PCDH11X: variants seen among roughly 807,000 people sequenced by gnomAD.
PCDH11X encodes protocadherin-11 X-linked.
A neutral mutation model predicts 53.3 loss-of-function variants in PCDH11X; 18 were observed. That is an observed-to-expected ratio of 0.34 (90% CI 0.23 to 0.50). The LOEUF is 0.50. PCDH11X is among the 20% of genes least tolerant of loss of function. PCDH11X has a pLI of 0.98. For missense variants in PCDH11X, 570 were observed against 1,032.4 expected, an observed-to-expected ratio of 0.55 and a Z score of 6.14; for synonymous variants, 279 against 393.3, an observed-to-expected ratio of 0.71 and a Z score of 3.44.
intron 6 of PCDH11X, among the ~76,000 whole-genome samples, chrX:92,169,146 G>GAT (rs1393563537): frequency 1.0e-5 from 1 of 96,975 alleles, no homozygotes; most frequent in Non-Finnish European, 2.1e-5. Context: ...GTGTTTATAG[G>GAT]GACAAAACCC....
intron 7 of PCDH11X, among the ~76,000 whole-genome samples, chrX:92,241,431 T>C (rs761138237): frequency 8.9e-6 from 1 of 112,424 alleles, no homozygotes; most frequent in East Asian, 2.8e-4. Flanking sequence ...TTGTCACTAA[T>C]GACTCACATG....
At chrX:91,869,015 A>T (rs537815147) in intron 5 of PCDH11X, among the ~76,000 whole-genome samples, 2 of 111,649 alleles carry the variant, frequency 1.8e-5, no homozygotes, top group Admixed American at 1.9e-4. Flanking sequence ...AACCTGACTC[A>T]ATTTATACAT....
rs1196070988 is a variant in PCDH11X, at chrX:92,441,498, T to A, written c.3344-26801T>A. ...CCCTGTGTCCCAGCTGCTCCAGTCA[T>A]GGCTGAAAGGGGCCAAGGTAGAGTT... On this transcript the variant is annotated intron_variant, in intron 9 of 10. Transcript: ENST00000682573. 2.7e-5 allele frequency among the ~76,000 whole-genome samples: 3 copies of A among 112,075 alleles called. No homozygotes were observed. The East Asian group carries it at 8.5e-4, about 32-fold the overall frequency.
intron 8 of PCDH11X, among the ~76,000 whole-genome samples, chrX:92,338,720 G>T (rs2069678953): frequency 9.0e-6 from 1 of 111,537 alleles, no homozygotes; most frequent in East Asian, 2.8e-4. Flanking sequence ...AAATCAAGTT[G>T]TTCATTTTTA....
At chrX:92,537,805 A>C (rs1466104835) in intron 10 of PCDH11X, among the ~76,000 whole-genome samples, 1 of 108,138 alleles carries the variant, frequency 9.2e-6, no homozygotes, top group South Asian at 4.1e-4. Context: ...ATAATTAACT[A>C]TTGGCATATA....
intron 8 of PCDH11X, among the ~76,000 whole-genome samples, chrX:92,271,004 C>T (rs967289893): frequency 4.5e-5 from 5 of 111,316 alleles, no homozygotes; most frequent in African/African-American, 9.8e-5. Context: ...TTAACTACCG[C>T]GATTCTCTGA....
intron 6 of PCDH11X, among the ~76,000 whole-genome samples, chrX:92,077,622 GAGGAAGGAAGGA>G (rs768755254): frequency 0.039 from 3,718 of 96,128 alleles, 168 homozygotes; most frequent in African/African-American, 0.13. Context: ...GGAAGGAAGG[GAGGAAGGAAGGA>G]AGGAAGGAAG....
At chrX:92,221,278 A>AATACAGACACACAC (rs1249262957) in intron 7 of PCDH11X, among the ~76,000 whole-genome samples, 1 of 88,037 alleles carries the variant, frequency 1.1e-5, no homozygotes, top group Non-Finnish European at 2.1e-5. Flanking sequence ...CATTGTATAC[A>AATACAGACACACAC]ACACACACAC....
At chrX:92,508,383 C>T (rs1360382310) in intron 10 of PCDH11X, among the ~76,000 whole-genome samples, 2 of 108,518 alleles carry the variant, frequency 1.8e-5, no homozygotes, top group African/African-American at 6.7e-5. Flanking sequence ...CCTCCACACC[C>T]AGATAGCTTT....
At chrX:92,275,382 G>A (rs148602108) in intron 8 of PCDH11X, among the ~76,000 whole-genome samples, 3,621 of 104,318 alleles carry the variant, frequency 0.035, 114 homozygotes, top group East Asian at 0.27. Context: ...TAGGTAACAG[G>A]TGAGGATAAA....
intron 7 of PCDH11X, among the ~76,000 whole-genome samples, chrX:92,257,789 A>C (rs921128905): frequency 6.2e-5 from 7 of 112,672 alleles, no homozygotes; most frequent in Non-Finnish European, 1.3e-4. Flanking sequence ...TGCAGGGTTC[A>C]GCCCCTGAGG....
At chrX:92,575,733 A>G (rs1162813522) in intron 10 of PCDH11X, among the ~76,000 whole-genome samples, 1 of 105,254 alleles carries the variant, frequency 9.5e-6, no homozygotes, top group Non-Finnish European at 1.9e-5. Flanking sequence ...GAACACAATG[A>G]ATCCAATTAG....
intron 5 of PCDH11X, among the ~76,000 whole-genome samples, chrX:91,843,564 T>C (rs2189401): frequency 0.41 from 45,577 of 109,912 alleles, 9,536 homozygotes; most frequent in African/African-American, 0.82. Context: ...GTGATCCTCC[T>C]GCCTCGGCCT....
chrX:92,255,741 G>A (rs1306127701), intron 7 of PCDH11X, among the ~76,000 whole-genome samples: 1 of 112,336 alleles, frequency 8.9e-6, no homozygotes, highest in Non-Finnish European at 1.9e-5. Flanking sequence ...GTGCCTCCCA[G>A]TTAGGCTGGT....
intron 6 of PCDH11X, among the ~76,000 whole-genome samples, chrX:91,907,398 CACACACACACACACAGAG>C (rs1247478237): frequency 1.6e-5 from 1 of 64,160 alleles, no homozygotes; most frequent in African/African-American, 5.9e-5. Context: ...CACACACACA[CACACACACACACACAGAG>C]AGAGAGAGAG....
intron 6 of PCDH11X, among the ~76,000 whole-genome samples, chrX:92,086,390 C>T (rs1313381827): frequency 9.0e-6 from 1 of 111,217 alleles, no homozygotes; most frequent in Non-Finnish European, 1.9e-5. Flanking sequence ...TGGTTATATA[C>T]AGTTAAATCC....
At chrX:92,010,461 A>G (rs766837982) in intron 6 of PCDH11X, among the ~76,000 whole-genome samples, 2 of 110,591 alleles carry the variant, frequency 1.8e-5, no homozygotes, top group East Asian at 2.8e-4. Flanking sequence ...GACATAGCCA[A>G]TAATATGACT....
intron 1 of PCDH11X, among the ~76,000 whole-genome samples, chrX:91,781,369 C>T (rs925962217): frequency 9.0e-5 from 10 of 111,340 alleles, no homozygotes; most frequent in African/African-American, 2.9e-4. Context: ...CGCCTGTGCG[C>T]TCTTAGCGCT....
At position 92,456,054 on chromosome X, in the gene PCDH11X, C is replaced by A. The variant is rs1179239830; in HGVS notation, c.3344-12245C>A. Among the ~76,000 whole-genome samples, 4 of 111,647 alleles carry A rather than the reference C, an allele frequency of 3.6e-5. No homozygotes were observed. The East Asian group carries it at 1.1e-3, about 31-fold the overall frequency. On this transcript the variant is annotated intron_variant, in intron 9 of 10. Coordinates refer to ENST00000682573, the MANE Select transcript of PCDH11X (RefSeq NM_032968.5). ...AGTTTTTCAGTGAGTTATGTCCATG[C>A]AAAATAAGTGAACACTGGTAATTCT...
Sources: allele counts gnomAD v4.1 joint callset (sites outside exome capture counted in the v4.1 genomes callset), GRCh38; gene constraint gnomAD v4.1.1; transcripts MANE v1.5; gene names NCBI Gene and HGNC (gene_info 2026-07-23, HGNC 2026-07-21).